Variants in PTPRD observed in about 807,000 individuals in gnomAD.
The protein encoded by PTPRD is receptor-type tyrosine-protein phosphatase delta.
PTPRD carries 34 observed loss-of-function variants against 214.5 expected under a neutral mutation model. The ratio of observed to expected loss-of-function variants is 0.16; its 90% CI spans 0.12 to 0.21. PTPRD has a LOEUF of 0.21. PTPRD is among the 10% of genes least tolerant of loss of function. The pLI is 1.00. For synonymous variants in PTPRD, 1,128 were observed against 845.7 expected, an observed-to-expected ratio of 1.33 and a Z score of -5.79; for missense variants, 2,545 against 2,398.7, an observed-to-expected ratio of 1.06 and a Z score of -1.27.
intron 10 of PTPRD, among the ~76,000 whole-genome samples, chr9:9,042,829 T>G (rs73430153): frequency 0.06 from 9,185 of 151,984 alleles, 568 homozygotes; most frequent in African/African-American, 0.15. Flanking sequence ...TTCCTGGACT[T>G]TGAGTCAGGG....
At chr9:9,767,270 T>C (rs909851884) in intron 5 of PTPRD, among the ~76,000 whole-genome samples, 4 of 152,082 alleles carry the variant, frequency 2.6e-5, no homozygotes, top group African/African-American at 4.8e-5. Flanking sequence ...AAAAGCATTA[T>C]AATGTTTGTT....
rs193207222 is a variant in PTPRD, at chr9:9,392,498, G to T, written c.-203+4951C>A. On this transcript the variant is annotated intron_variant, in intron 9 of 45. Transcript: ENST00000381196. The stretch of plus-strand genomic sequence containing the variant: ...ACAAAATTACCACGGTCCTTCTGTT[G>T]TCTACCTGCCTGCAGATGTGTCCTT... Among the ~76,000 whole-genome samples the T allele has an allele frequency of 2.1e-4, 32 of 152,244 alleles. No individual in the cohort carries two copies. The East Asian group carries it at 6.2e-3, about 29-fold the overall frequency.
intron 12 of PTPRD, among the ~76,000 whole-genome samples, chr9:8,697,987 G>C (rs2097963257): frequency 6.6e-6 from 1 of 152,172 alleles, no homozygotes; most frequent in Admixed American, 6.5e-5. Context: ...CTGAGGTCAT[G>C]GAAAGTGTCA....
intron 3 of PTPRD, among the ~76,000 whole-genome samples, chr9:10,196,635 T>C (rs1204704020): frequency 2.0e-5 from 3 of 152,134 alleles, no homozygotes; most frequent in Non-Finnish European, 4.4e-5. Flanking sequence ...AAAATTCATA[T>C]GAAAAAAGTG....
chr9:10,366,621 T>G lies in PTPRD; in HGVS notation c.-599-25604A>C, dbSNP rs190608451. ...TGTCATATTTGTTATTTTTGCTATT[T>G]TTATAATTATAATCATGGGAATTCT... On this transcript the variant is annotated intron_variant, in intron 2 of 45. Transcript: ENST00000381196. Among the ~76,000 whole-genome samples, 362 of 152,340 alleles carry G rather than the reference T, an allele frequency of 2.4e-3. 2 individuals carry two copies. Among genetic ancestry groups the G allele is most frequent in the African/African-American group, 8.1e-3 (336 of 41,572 alleles).
At chr9:8,978,330 C>G (rs935915601) in intron 11 of PTPRD, among the ~76,000 whole-genome samples, 2 of 152,116 alleles carry the variant, frequency 1.3e-5, no homozygotes, top group African/African-American at 4.8e-5. Flanking sequence ...AGTCCCTTAT[C>G]AGTTCTGCTG....
At chr9:9,105,030 C>T (rs1003573435) in intron 10 of PTPRD, among the ~76,000 whole-genome samples, 2 of 152,198 alleles carry the variant, frequency 1.3e-5, no homozygotes, top group Non-Finnish European at 2.9e-5. Flanking sequence ...GAAGAGAATT[C>T]TTCCTGCCAA....
intron 2 of PTPRD, among the ~76,000 whole-genome samples, chr9:10,476,296 C>G (rs1311140540): frequency 6.6e-6 from 1 of 152,128 alleles, no homozygotes; most frequent in Non-Finnish European, 1.5e-5. Context: ...TCTCAGGACA[C>G]AAAATCAATT....
chr9:8,765,248 C>A (rs912380523), intron 11 of PTPRD, among the ~76,000 whole-genome samples: 1 of 152,218 alleles, frequency 6.6e-6, no homozygotes, highest in Non-Finnish European at 1.5e-5. Flanking sequence ...TGACTGTGGG[C>A]TAGACTTAGT....
At chr9:9,880,348 C>G (rs1346358614) in intron 5 of PTPRD, among the ~76,000 whole-genome samples, 1 of 152,110 alleles carries the variant, frequency 6.6e-6, no homozygotes, top group East Asian at 1.9e-4. Flanking sequence ...TGGACTAAAA[C>G]AAGATGCCTA....
chr9:9,362,078 G>T (rs969555351), intron 9 of PTPRD, among the ~76,000 whole-genome samples: 1 of 150,992 alleles, frequency 6.6e-6, no homozygotes, highest in Non-Finnish European at 1.5e-5. Flanking sequence ...AGATCGAGTG[G>T]AATTAAACTT....
intron 7 of PTPRD, among the ~76,000 whole-genome samples, chr9:9,584,359 C>CATTATTATTATTATTATTATT (rs565638451): frequency 0.022 from 3,236 of 149,168 alleles, 113 homozygotes; most frequent in African/African-American, 0.07. Flanking sequence ...ATTTCATCAC[C>CATTATTATTATTATTATTATT]ATTATTATTA....
At chr9:9,686,882 C>G (rs2097175255) in intron 7 of PTPRD, among the ~76,000 whole-genome samples, 1 of 151,678 alleles carries the variant, frequency 6.6e-6, no homozygotes, top group Non-Finnish European at 1.5e-5. Context: ...TCTTAGTCAA[C>G]AGACATATGC....
chr9:9,141,178 C>T (rs563920396), intron 10 of PTPRD, among the ~76,000 whole-genome samples: 34 of 144,226 alleles, frequency 2.4e-4, no homozygotes, highest in African/African-American at 8.8e-4. Flanking sequence ...TCTTCTCTCT[C>T]TCTCTCTGTC....
chr9:8,588,865 T>C (rs1395587204), intron 14 of PTPRD, among the ~76,000 whole-genome samples: 2 of 152,160 alleles, frequency 1.3e-5, no homozygotes, highest in Non-Finnish European at 2.9e-5. Flanking sequence ...AAAAGGATAA[T>C]CTGGATAATT....
intron 11 of PTPRD, among the ~76,000 whole-genome samples, chr9:8,767,026 A>C (rs192018069): frequency 6.0e-4 from 91 of 152,322 alleles, no homozygotes; most frequent in African/African-American, 2.1e-3. Context: ...CCTAAGCTTT[A>C]AGAAAAAGAG....
intron 12 of PTPRD, among the ~76,000 whole-genome samples, chr9:8,683,720 AGAGT>A (rs1298653660): frequency 6.6e-6 from 1 of 152,184 alleles, no homozygotes; most frequent in Non-Finnish European, 1.5e-5. Context: ...CACTGGCCAT[AGAGT>A]ATGCTGGAAG....
intron 10 of PTPRD, among the ~76,000 whole-genome samples, chr9:9,029,411 G>A (rs1481198184): frequency 1.3e-5 from 2 of 151,910 alleles, no homozygotes; most frequent in Non-Finnish European, 2.9e-5. Flanking sequence ...CACCACACAT[G>A]AGGTGACAAG....
intron 5 of PTPRD, among the ~76,000 whole-genome samples, chr9:9,773,099 G>T (rs1019430664): frequency 6.6e-6 from 1 of 152,090 alleles, no homozygotes; most frequent in Non-Finnish European, 1.5e-5. Flanking sequence ...AATATCAAGT[G>T]AATTTTATGG....
Sources: allele counts gnomAD v4.1 joint callset (sites outside exome capture counted in the v4.1 genomes callset), GRCh38; gene constraint gnomAD v4.1.1; transcripts MANE v1.5; gene names NCBI Gene and HGNC (gene_info 2026-07-23, HGNC 2026-07-21).